Variants in ADARB2 observed in about 807,000 individuals in gnomAD.
ADARB2 encodes the protein adenosine deaminase RNA specific B2 (inactive), also known as inactive double-stranded RNA-specific editase B2.
In ADARB2, 25 loss-of-function variants were observed where a neutral mutation model predicts 62.2. That is an observed-to-expected ratio of 0.40 (90% CI 0.29 to 0.56). The LOEUF (loss-of-function observed/expected upper bound fraction) is 0.56. ADARB2 is among the 20% of genes least tolerant of loss of function. The probability of loss-of-function intolerance (pLI) is 0.43; values close to 1 mark genes in which losing one functional copy is unlikely to be tolerated. For missense variants in ADARB2, 1,071 were observed against 1,077.4 expected (o/e 0.99, Z 0.08); for synonymous variants, 572 against 500.8 (o/e 1.14, Z -1.90).
intron 7 of ADARB2, among the ~76,000 whole-genome samples, chr10:1,205,352 CCGTGG>C: frequency 9.6e-6 from 1 of 104,066 alleles, no homozygotes; most frequent in Non-Finnish European, 2.3e-5. Flanking sequence ...TCACTGGAGC[CCGTGG>C]CACAGCCTGA....
chr10:1,299,527 A>G (rs539267478), intron 3 of ADARB2, among the ~76,000 whole-genome samples: 223 of 152,308 alleles, frequency 1.5e-3, no homozygotes, highest in Non-Finnish European at 2.2e-3. Flanking sequence ...GACGGTATGC[A>G]AATGAGAACT....
rs147785280 is a variant in ADARB2, at chr10:1,693,202, T to C, written c.100+43849A>G. Among the ~76,000 whole-genome samples the C allele has an allele frequency of 2.2e-3, 329 of 152,320 alleles. 1 individual carries two copies. Among genetic ancestry groups the C allele is most frequent in the African/African-American group, 6.1e-3 (252 of 41,582 alleles). On this transcript the variant is annotated intron_variant, in intron 1 of 9. Transcript: ENST00000381312. ...GAGGGCTCCGGGGAGAGTAAAAGCC[T>C]GGGGTTTCTGACCTGCAAGGGGCCT... is the stretch of plus-strand genomic sequence containing the variant.
chr10:1,335,162 G>A (rs764436299), intron 3 of ADARB2, among the ~76,000 whole-genome samples: 18 of 151,894 alleles, frequency 1.2e-4, no homozygotes, highest in Non-Finnish European at 2.2e-4. Context: ...AGCTACCTGC[G>A]CCTGGGGCAG....
chr10:1,534,505 T>C (rs931326184), intron 1 of ADARB2: 1 of 152,312 alleles, frequency 6.6e-6, no homozygotes, highest in Non-Finnish European at 1.5e-5. Flanking sequence ...TGCCTTCCGA[T>C]GTCCATTCCC....
chr10:1,518,245 A>T (rs1281138891), intron 1 of ADARB2, among the ~76,000 whole-genome samples: 1 of 152,184 alleles, frequency 6.6e-6, no homozygotes, highest in Non-Finnish European at 1.5e-5. Flanking sequence ...GAAGTCAGAA[A>T]AAGTGAACTC....
chr10:1,241,862 C>T (rs74799157), intron 5 of ADARB2, among the ~76,000 whole-genome samples: 4,693 of 152,246 alleles, frequency 0.031, 250 homozygotes, highest in African/African-American at 0.11. Flanking sequence ...TGGCCTTGCC[C>T]GGAAGGACGA....
chr10:1,662,018 G>C (rs916490308), intron 1 of ADARB2, among the ~76,000 whole-genome samples: 1 of 152,168 alleles, frequency 6.6e-6, no homozygotes, highest in Non-Finnish European at 1.5e-5. Flanking sequence ...CTCAGGGCAT[G>C]TGCATTGAGC....
chr10:1,686,814 T>G (rs1834602024), intron 1 of ADARB2, among the ~76,000 whole-genome samples: 1 of 152,226 alleles, frequency 6.6e-6, no homozygotes, highest in Non-Finnish European at 1.5e-5. Flanking sequence ...AACAAATGTT[T>G]ATTGTTGATT....
rs1378570401 is a variant in ADARB2 at position 1,426,522 on chromosome 10, T to C, written c.101-47362A>G. On this transcript the variant is annotated intron_variant, in intron 1 of 9. Transcript: ENST00000381312. This position sits in a 1 kb window ranked among gnomAD's most constrained non-coding sequence, Gnocchi z 4.1. Reference sequence around the variant, plus strand: ...ATGACAGAAGGATGGTCCTGTCTCATCCCTACACCTGTGAGGCCTCAGTTC... The same window carrying C: ...ATGACAGAAGGATGGTCCTGTCTCACCCCTACACCTGTGAGGCCTCAGTTC... Among the ~76,000 whole-genome samples, 1 of 152,168 alleles carries C rather than the reference T, an allele frequency of 6.6e-6. No individual in the cohort carries two copies. The highest frequency in any genetic ancestry group is 1.5e-5 in the Non-Finnish European group (1 of 68,028).
chr10:1,473,389 TG>T (rs1382062378), intron 1 of ADARB2, among the ~76,000 whole-genome samples: 42 of 152,196 alleles, frequency 2.8e-4, no homozygotes, highest in African/African-American at 9.6e-4. Context: ...TGTTTTGTTT[TG>T]TTTTTTTTTC....
At chr10:1,727,260 G>A (rs557248423) in intron 1 of ADARB2, among the ~76,000 whole-genome samples, 1 of 152,252 alleles carries the variant, frequency 6.6e-6, no homozygotes, top group South Asian at 2.1e-4. Context: ...CAACAAAGGA[G>A]GAAGCACCAC....
At chr10:1,263,539 T>A (rs575085639) in intron 4 of ADARB2, among the ~76,000 whole-genome samples, 2 of 152,344 alleles carry the variant, frequency 1.3e-5, no homozygotes, top group African/African-American at 4.8e-5. Flanking sequence ...TTTGGACAAT[T>A]AGATTGAAGA....
At chr10:1,664,102 G>A (rs982112621) in intron 1 of ADARB2, among the ~76,000 whole-genome samples, 5 of 151,864 alleles carry the variant, frequency 3.3e-5, no homozygotes, top group Middle Eastern at 3.2e-3. Flanking sequence ...GTCAGTGTGC[G>A]GGTTTGTGTG....
chr10:1,673,091 C>T (rs1007317295), intron 1 of ADARB2, among the ~76,000 whole-genome samples: 46 of 152,272 alleles, frequency 3.0e-4, no homozygotes, highest in African/African-American at 9.1e-4. Flanking sequence ...CACCTCATTC[C>T]TTTTGGTGTA....
At chr10:1,551,313 G>A (rs550352725) in intron 1 of ADARB2, among the ~76,000 whole-genome samples, 2 of 152,264 alleles carry the variant, frequency 1.3e-5, no homozygotes, top group Non-Finnish European at 2.9e-5. Context: ...CCTGGGCTGT[G>A]GTCTTATGAC....
chr10:1,227,869 G>T (rs769738271), intron 6 of ADARB2, among the ~76,000 whole-genome samples: 3 of 152,222 alleles, frequency 2.0e-5, no homozygotes, highest in African/African-American at 7.2e-5. Context: ...AGTATTCATT[G>T]TAATAATAAT....
chr10:1,703,180 A>G (rs1025428139), intron 1 of ADARB2, among the ~76,000 whole-genome samples: 1 of 152,136 alleles, frequency 6.6e-6, no homozygotes, highest in Non-Finnish European at 1.5e-5. Flanking sequence ...GGAAAAAAGG[A>G]TGAGGGCTTC....
At chr10:1,450,611 G>T (rs906726735) in intron 1 of ADARB2, among the ~76,000 whole-genome samples, 2 of 152,366 alleles carry the variant, frequency 1.3e-5, no homozygotes, top group East Asian at 3.9e-4. Context: ...TGATCACAAA[G>T]AGGACTGAAC....
At chr10:1,259,364 G>T (rs1831112030) in intron 4 of ADARB2, among the ~76,000 whole-genome samples, 1 of 152,166 alleles carries the variant, frequency 6.6e-6, no homozygotes, top group East Asian at 1.9e-4. Context: ...CCAGGAGCTG[G>T]TTTTTTGAAA....
Sources: gnomAD v4.1 joint callset for allele counts (sites outside exome capture counted in the v4.1 genomes callset) on GRCh38, gnomAD v4.1.1 for gene constraint, Gnocchi (gnomAD v3.1) non-coding constraint, MANE v1.5 for transcripts, NCBI Gene and HGNC (gene_info 2026-07-23, HGNC 2026-07-21) for gene names.